The following USP31 variants were observed in gnomAD, a reference collection of about 807,000 sequenced individuals.
USP31 encodes the protein ubiquitin specific peptidase 31, also known as ubiquitin carboxyl-terminal hydrolase 31.
A neutral mutation model predicts 119.4 loss-of-function variants in USP31; 44 were observed. The ratio of observed to expected loss-of-function variants is 0.37; its 90% CI spans 0.29 to 0.47. The LOEUF (loss-of-function observed/expected upper bound fraction) is 0.47, where lower values mean the gene tolerates loss of function less well. Among genes scored for constraint, USP31 ranks in the 20% least tolerant of loss-of-function variants. The probability of loss-of-function intolerance (pLI) is 0.99; values close to 1 mark genes in which losing one functional copy is unlikely to be tolerated. For missense variants in USP31, 1,643 were observed against 1,730.2 expected (o/e 0.95, Z 0.89); for synonymous variants, 749 against 705.6 (o/e 1.06, Z -0.97).
At chr16:23,069,690 G>A (rs1900268663) in intron 15 of USP31, 74 bp from the exon 16 acceptor site, 10 of 1,501,980 alleles carry the variant, frequency 6.7e-6, no homozygotes, top group Non-Finnish European at 8.9e-6. Flanking sequence ...GACACTGAAG[G>A]TGAAACGAAG....
At chr16:23,132,642 T>C (rs778397074) in intron 1 of USP31, among the ~76,000 whole-genome samples, 3 of 152,220 alleles carry the variant, frequency 2.0e-5, no homozygotes, top group Non-Finnish European at 2.9e-5. Flanking sequence ...ACTAGATCAG[T>C]TCCTTTCTAC....
At chr16:23,137,082 C>T (rs558271746) in intron 1 of USP31, among the ~76,000 whole-genome samples, 5 of 152,196 alleles carry the variant, frequency 3.3e-5, no homozygotes, top group Admixed American at 1.3e-4. Context: ...CATAGTGGCA[C>T]GCACCTGTAG....
intron 1 of USP31, among the ~76,000 whole-genome samples, chr16:23,136,469 A>G (rs184159268): frequency 0.022 from 3,295 of 152,248 alleles, 50 homozygotes; most frequent in South Asian, 0.053. Flanking sequence ...CCTGGCCAAC[A>G]TGGTGAAACC....
chr16:23,071,996 T>C, intron 15 of USP31, 49 bp downstream of exon 15: 2 of 1,572,072 alleles, frequency 1.3e-6, no homozygotes, highest in Non-Finnish European at 1.7e-6. Context: ...GACTCTGCTG[T>C]GTCTGTGAGT....
At chr16:23,137,134 T>A (rs1241920328) in intron 1 of USP31, among the ~76,000 whole-genome samples, 1 of 151,938 alleles carries the variant, frequency 6.6e-6, no homozygotes, top group East Asian at 1.9e-4. Flanking sequence ...GATCCCTTGA[T>A]CCCAGGAGGT....
At chr16:23,132,031 G>C (rs1454451922) in intron 1 of USP31, among the ~76,000 whole-genome samples, 1 of 152,190 alleles carries the variant, frequency 6.6e-6, no homozygotes, top group African/African-American at 2.4e-5. Context: ...CCAACAGCTG[G>C]AGGGAAGAAG....
Position 23,108,118 on chromosome 16 carries a change from C to G in USP31, c.699G>C (p.Leu233=). 1.2e-6 allele frequency: 2 copies of G among 1,614,010 alleles called. No homozygotes were observed. The highest frequency in any genetic ancestry group is 1.7e-6 in the Non-Finnish European group (2 of 1,179,928). ...GNSQHDAQEF[L]LWLLDRVHED... ...CATGAACTCGGTCCAAAAGCCACAG[C>G]AGAAACTCCTGGGCATCATGTTGGG... Residue 233 remains leucine (L), a synonymous_variant, in exon 2 of 16, where the codon CTG becomes CTC. Coordinates refer to ENST00000219689, the MANE Select transcript of USP31 (RefSeq NM_020718.4).
At position 23,069,025 on chromosome 16, in the gene USP31, G is replaced by A; in HGVS notation, c.3080C>T (p.Pro1027Leu). The A allele has an allele frequency of 6.2e-7, 1 of 1,613,596 alleles. No individual in the cohort carries two copies. The highest frequency in any genetic ancestry group is 8.5e-7 in the Non-Finnish European group (1 of 1,180,024). Residue 1027 changes from proline to leucine, a missense_variant, in exon 16 of 16, where the codon CCC becomes CTC. Pro to Leu is a moderately conservative substitution (Grantham distance 98, BLOSUM62 -3). Around this residue, in one of 5 missense-constraint regions of USP31, gnomAD observed 699 missense variants for 650.9 expected, o/e 1.07. Transcript: ENST00000219689. ...TGGCTCAGAAGTGCCTTTGGAACTGGGGGATCTCTTAGTTGTGCTCTCTGG... is the reference window on the plus strand; with the variant it reads ...TGGCTCAGAAGTGCCTTTGGAACTGAGGGATCTCTTAGTTGTGCTCTCTGG... ...KKPESTTKRS[P>L]SSKGTSEPEK... is the part of the protein sequence containing the mutation.
chr16:23,094,627 C>T (rs1302791655), intron 6 of USP31, among the ~76,000 whole-genome samples: 1 of 152,102 alleles, frequency 6.6e-6, no homozygotes, highest in Non-Finnish European at 1.5e-5. Flanking sequence ...CAGGCGGGTG[C>T]CTGTCTGGGA....
At chr16:23,074,551 C>T (rs1362629076) in intron 13 of USP31, among the ~76,000 whole-genome samples, 5 of 152,134 alleles carry the variant, frequency 3.3e-5, no homozygotes, top group African/African-American at 7.2e-5. Flanking sequence ...TGCCCAAGGT[C>T]GTGCAGCTGG....
At chr16:23,137,224 C>CA (rs1210530394) in intron 1 of USP31, among the ~76,000 whole-genome samples, 1 of 151,072 alleles carries the variant, frequency 6.6e-6, no homozygotes, top group East Asian at 1.9e-4. Flanking sequence ...AACAAACAAA[C>CA]AAAAAAAACA....
chr16:23,099,517 C>G (rs967198259), intron 6 of USP31, among the ~76,000 whole-genome samples: 10 of 152,092 alleles, frequency 6.6e-5, no homozygotes, highest in African/African-American at 2.4e-4. Context: ...GACACATGCA[C>G]ATGCACATAA....
intron 1 of USP31, among the ~76,000 whole-genome samples, chr16:23,145,973 T>A (rs1441374311): frequency 6.6e-6 from 1 of 152,238 alleles, no homozygotes; most frequent in Non-Finnish European, 1.5e-5. Flanking sequence ...AATCTGTTCA[T>A]GTCTGCCAAA....
At chr16:23,110,660 A>T (rs1902280959) in intron 1 of USP31, among the ~76,000 whole-genome samples, 1 of 152,186 alleles carries the variant, frequency 6.6e-6, no homozygotes, top group Non-Finnish European at 1.5e-5. Context: ...CTGAGTTCAG[A>T]TCTCTGTTGC....
At chr16:23,103,287 C>T (rs927430661) in intron 5 of USP31, among the ~76,000 whole-genome samples, 3 of 151,586 alleles carry the variant, frequency 2.0e-5, no homozygotes, top group Non-Finnish European at 2.9e-5. Flanking sequence ...GCCTAAACCA[C>T]GGATATTTGT....
rs1181511584 is a variant in USP31, at chr16:23,148,910, C to A, written c.361G>T (p.Ala121Ser). The change falls in exon 1 of 16, where the codon GCC becomes TCC. Residue 121 changes from alanine to serine, a missense_variant. Physicochemically the swap from Ala to Ser is moderately conservative, Grantham distance 99. Around this residue, in one of 5 missense-constraint regions of USP31, gnomAD observed 302 missense variants for 262.6 expected, o/e 1.15. Transcript: ENST00000219689. Reference sequence around the variant, plus strand: ...CCCGCCACGCCGGGCACCGGCTCGGCGGCGCAAGCGGGCGGCGCGGGAGAG... The same window carrying A: ...CCCGCCACGCCGGGCACCGGCTCGGAGGCGCAAGCGGGCGGCGCGGGAGAG... The part of the protein sequence containing the change: ...PASPAPPACA[A>S]EPVPGVAGLR... The A allele has an allele frequency of 7.3e-7, 1 of 1,364,934 alleles. No homozygotes were observed. The highest frequency in any genetic ancestry group is 1.9e-5 in the South Asian group (1 of 52,162). 84.6% of individuals were successfully genotyped at this position (1,364,934 alleles called of 1,614,324 possible). A position where few individuals can be genotyped will look rare whatever the true frequency, so the allele number is the denominator to read the frequency against.
intron 1 of USP31, among the ~76,000 whole-genome samples, chr16:23,123,145 T>C (rs183517161): frequency 1.3e-4 from 20 of 152,286 alleles, no homozygotes; most frequent in African/African-American, 4.6e-4. Context: ...ATGTCCTATT[T>C]CTTGATCTGG....
At chr16:23,109,320 C>T (rs1398307508) in intron 1 of USP31, among the ~76,000 whole-genome samples, 2 of 152,032 alleles carry the variant, frequency 1.3e-5, no homozygotes, top group Non-Finnish European at 2.9e-5. Context: ...GACACTGGGA[C>T]ACGGGACATG....
At chr16:23,108,214 C>A in intron 1 of USP31, 31 bp from the exon 2 acceptor site, 1 of 1,570,616 alleles carries the variant, frequency 6.4e-7, no homozygotes, top group Non-Finnish European at 8.6e-7. Context: ...CCATGAACAG[C>A]TGTGAGTTCC....
Sources: gnomAD v4.1 joint callset for allele counts (sites outside exome capture counted in the v4.1 genomes callset) on GRCh38, gnomAD v4.1.1 for gene constraint, gnomAD v4.1.1 regional missense constraint, MANE v1.5 for transcripts, NCBI Gene and HGNC (gene_info 2026-07-23, HGNC 2026-07-21) for gene names.